Variants in NOL4 observed in about 807,000 individuals in gnomAD.
NOL4 encodes the protein cancer/testis antigen 125.
In NOL4, 17 loss-of-function variants were observed where a neutral mutation model predicts 75.9. The observed-to-expected ratio is 0.22, with a 90% CI of 0.15 to 0.34. NOL4 has a LOEUF of 0.34. Ranked by LOEUF, NOL4 falls within the 10% of genes least tolerant of loss-of-function variation. The pLI is 1.00. For synonymous variants in NOL4, 292 were observed against 289.9 expected (o/e 1.01, Z -0.07); for missense variants, 614 against 793.5 (o/e 0.77, Z 2.72).
At chr18:34,099,476 G>A (rs9965493) in intron 4 of NOL4, among the ~76,000 whole-genome samples, 78,245 of 151,402 alleles carry the variant, frequency 0.52, 20,457 homozygotes, top group Admixed American at 0.56. Flanking sequence ...CTGGTCTTCT[G>A]CCTTTCTTCA....
chr18:33,874,910 C>T (rs895254903), intron 10 of NOL4, among the ~76,000 whole-genome samples: 3 of 151,898 alleles, frequency 2.0e-5, no homozygotes, highest in African/African-American at 7.2e-5. Flanking sequence ...TCATTAAAGA[C>T]AAAACCCCAA....
chr18:34,021,997 G>C (rs1485759994), intron 5 of NOL4, among the ~76,000 whole-genome samples: 1 of 151,780 alleles, frequency 6.6e-6, no homozygotes, highest in Non-Finnish European at 1.5e-5. Context: ...TCAGCTACTC[G>C]GGAGGCTGAG....
At chr18:34,187,370 C>CTTTTTTTT (rs545524361) in intron 1 of NOL4, among the ~76,000 whole-genome samples, 9 of 78,350 alleles carry the variant, frequency 1.1e-4, no homozygotes, top group Admixed American at 1.6e-4. Context: ...TAGTCCACTT[C>CTTTTTTTT]TTTTTTTTTT....
chr18:34,177,063 A>G (rs868144224), intron 1 of NOL4, among the ~76,000 whole-genome samples: 1 of 152,060 alleles, frequency 6.6e-6, no homozygotes, highest in African/African-American at 2.4e-5. Flanking sequence ...AGCAACAGAC[A>G]AATAGGCGAA....
chr18:34,126,971 A>G (rs2080415983), intron 2 of NOL4, among the ~76,000 whole-genome samples: 1 of 151,928 alleles, frequency 6.6e-6, no homozygotes, highest in Non-Finnish European at 1.5e-5. Context: ...GTAACAGTTA[A>G]TATATACACA....
intron 2 of NOL4, among the ~76,000 whole-genome samples, chr18:34,109,770 C>T (rs181008340): frequency 8.6e-5 from 13 of 151,160 alleles, no homozygotes; most frequent in East Asian, 5.9e-4. Context: ...AAAACTTTAC[C>T]TAGACCAAGA....
At position 33,979,234 on chromosome 18, in the gene NOL4, C is replaced by CATAAAACATAA. The variant is rs753922562; in HGVS notation, c.1057-20817_1057-20816insTTATGTTTTAT. Among the ~76,000 whole-genome samples, 185 of 152,036 alleles carry CATAAAACATAA rather than the reference C, an allele frequency of 1.2e-3. 1 individual carries two copies. Among genetic ancestry groups the CATAAAACATAA allele is most frequent in the Non-Finnish European group, 1.2e-3 (84 of 67,904 alleles). On this transcript the variant is annotated intron_variant, in intron 6 of 10. Coordinates refer to ENST00000261592, the MANE Select transcript of NOL4 (RefSeq NM_003787.5). ...CATAAGGACCAGGACAAAACATAAA[C>CATAAAACATAA]AAAGTCACCCCCCATTCCCCTTTAG...
intron 1 of NOL4, among the ~76,000 whole-genome samples, chr18:34,137,777 A>AAT (rs111423797): frequency 0.28 from 13,110 of 47,180 alleles, 1,085 homozygotes; most frequent in African/African-American, 0.48. Context: ...GTATATACGA[A>AAT]ATACACACAC....
In NOL4 at chr18:33,946,769, AG is replaced by A. The variant is rs527478439; in HGVS notation, c.1429-3592del. On this transcript the variant is annotated intron_variant, in intron 8 of 10. Transcript: ENST00000261592. ...TATGAAATTTATGATCTTCATTAAAAGCACAAAGACAAAAATGTAACTTAGC... is the reference window on the plus strand; with the variant it reads ...TATGAAATTTATGATCTTCATTAAAACACAAAGACAAAAATGTAACTTAGC... 1.3e-3 allele frequency among the ~76,000 whole-genome samples: 199 copies of A among 151,930 alleles called. 1 individual carries two copies. Among genetic ancestry groups the A allele is most frequent in the African/African-American group, 4.6e-3 (192 of 41,534 alleles).
intron 5 of NOL4, among the ~76,000 whole-genome samples, chr18:34,079,178 G>C (rs771841821): frequency 3.3e-5 from 5 of 152,090 alleles, no homozygotes; most frequent in Non-Finnish European, 7.4e-5. Flanking sequence ...TATTTTGTGA[G>C]GCTTTGGAAG....
intron 6 of NOL4, among the ~76,000 whole-genome samples, chr18:34,016,288 C>T (rs904613003): frequency 2.6e-5 from 4 of 152,094 alleles, no homozygotes; most frequent in Admixed American, 2.6e-4. Flanking sequence ...CAATAGCTCT[C>T]TAACCGGCAT....
intron 9 of NOL4, among the ~76,000 whole-genome samples, chr18:33,894,613 G>C (rs546675094): frequency 1.3e-5 from 2 of 152,080 alleles, no homozygotes; most frequent in Admixed American, 1.3e-4. Flanking sequence ...CAAAGTCACC[G>C]CAGGATACCT....
At chr18:34,092,543 G>A (rs555678369) in intron 5 of NOL4, among the ~76,000 whole-genome samples, 2 of 152,216 alleles carry the variant, frequency 1.3e-5, no homozygotes, top group South Asian at 2.1e-4. Flanking sequence ...TAGAAATACA[G>A]CAATCTTTTG....
chr18:34,071,559 T>C (rs1052677559), intron 5 of NOL4, among the ~76,000 whole-genome samples: 2 of 152,076 alleles, frequency 1.3e-5, no homozygotes, highest in Non-Finnish European at 2.9e-5. Flanking sequence ...AAACCATACT[T>C]TGAGTATCTA....
intron 5 of NOL4, among the ~76,000 whole-genome samples, chr18:34,035,450 T>C (rs868772566): frequency 6.6e-6 from 1 of 152,172 alleles, no homozygotes; most frequent in African/African-American, 2.4e-5. Flanking sequence ...AAACTCATGG[T>C]ACATAGCAAA....
chr18:34,109,372 C>T (rs1468182055), intron 2 of NOL4, among the ~76,000 whole-genome samples: 4 of 151,820 alleles, frequency 2.6e-5, no homozygotes, highest in Admixed American at 6.6e-5. Flanking sequence ...AGTAAAAATT[C>T]GTCGGGCATG....
At chr18:33,942,255 ATACTT>A (rs1240177081) in intron 9 of NOL4, among the ~76,000 whole-genome samples, 1 of 152,014 alleles carries the variant, frequency 6.6e-6, no homozygotes, top group East Asian at 1.9e-4. Flanking sequence ...TGTTGTAAAA[ATACTT>A]TACAAGTGAA....
intron 1 of NOL4, among the ~76,000 whole-genome samples, chr18:34,205,504 G>C (rs575062323): frequency 5.0e-4 from 76 of 152,156 alleles, no homozygotes; most frequent in African/African-American, 1.6e-3. Flanking sequence ...AGAGATAATT[G>C]AATGCCGGTG....
intron 9 of NOL4, among the ~76,000 whole-genome samples, chr18:33,905,670 T>C (rs1303254461): frequency 6.6e-6 from 1 of 152,144 alleles, no homozygotes; most frequent in Non-Finnish European, 1.5e-5. Flanking sequence ...GATCATATAG[T>C]TGTTGCTGTA....
Sources: allele counts gnomAD v4.1 joint callset (sites outside exome capture counted in the v4.1 genomes callset), GRCh38; gene constraint gnomAD v4.1.1; transcripts MANE v1.5; gene names NCBI Gene and HGNC (gene_info 2026-07-23, HGNC 2026-07-21).